The following ENPP7 variants were observed in gnomAD, a reference collection of about 807,000 sequenced individuals.
The protein encoded by ENPP7 is ectonucleotide pyrophosphatase/phosphodiesterase family member 7.
In ENPP7, 39 loss-of-function variants were observed where a neutral mutation model predicts 33.6. The observed-to-expected ratio is 1.16, with a 90% CI of 0.90 to 1.52. The LOEUF is 1.52. Ranked by LOEUF, ENPP7 falls within the 40% of genes most tolerant of loss-of-function variation. The pLI is 0.00. For synonymous variants in ENPP7, 244 were observed against 274.3 expected (o/e 0.89, Z 1.09); for missense variants, 594 against 641.0 (o/e 0.93, Z 0.79).
intron 1 of ENPP7, among the ~76,000 whole-genome samples, chr17:79,732,139 T>TATATATATACACAC (rs2094287435): frequency 1.5e-4 from 8 of 53,592 alleles, no homozygotes; most frequent in African/African-American, 8.2e-4. Flanking sequence ...TATGTATATA[T>TATATATATACACAC]ATATATATAT....
intron 3 of ENPP7, among the ~76,000 whole-genome samples, chr17:79,736,330 C>G (rs748091451): frequency 6.6e-6 from 1 of 152,216 alleles, no homozygotes. Context: ...TGAGCCACTG[C>G]GTCTGGCCTC....
At chr17:79,732,149 T>TACAC (rs67146650) in intron 1 of ENPP7, among the ~76,000 whole-genome samples, 50 of 34,150 alleles carry the variant, frequency 1.5e-3, no homozygotes, top group African/African-American at 4.9e-3. Flanking sequence ...TATATATATA[T>TACAC]ACACACACAT....
chr17:79,740,088 G>C (rs2094302697), intron 5 of ENPP7, among the ~76,000 whole-genome samples: 1 of 152,100 alleles, frequency 6.6e-6, no homozygotes, highest in African/African-American at 2.4e-5. Flanking sequence ...CCAGCTACTG[G>C]CAGGGAGACT....
chr17:79,736,950 C>A, intron 3 of ENPP7, 91 bp from the exon 4 acceptor site: 1 of 1,070,112 alleles, frequency 9.3e-7, no homozygotes, highest in Non-Finnish European at 1.4e-6. Flanking sequence ...GGTGCTCCTT[C>A]CTAAGGGGGT....
At chr17:79,736,534 GGC>G (rs1382033089) in intron 3 of ENPP7, among the ~76,000 whole-genome samples, 3 of 110,902 alleles carry the variant, frequency 2.7e-5, no homozygotes, top group African/African-American at 1.6e-4. Context: ...CTGTGTGATA[GGC>G]GTGTGTGTGT....
chr17:79,738,475 G>A lies in ENPP7; in HGVS notation c.*16+413G>A, dbSNP rs2094300103. ...GGGGCTGTGTTCCTGGAACTCTCCAGGAGCCTCCTAGGACACGCATGAGGT... is the reference window on the plus strand; with the variant it reads ...GGGGCTGTGTTCCTGGAACTCTCCAAGAGCCTCCTAGGACACGCATGAGGT... On this transcript the variant is annotated intron_variant, in intron 5 of 5. Transcript: ENST00000328313. The surrounding 1 kb of genome is among the most constrained non-coding windows in gnomAD (Gnocchi z 6.2). The A allele has an allele frequency of 5.2e-6, 1 of 192,028 alleles. No homozygotes were observed. Among genetic ancestry groups the A allele is most frequent in the Non-Finnish European group, 1.1e-5 (1 of 90,678 alleles). The allele number at this position is 192,028 out of a possible 1,614,324, so 11.9% of individuals were successfully genotyped here.
At chr17:79,734,947 G>C in intron 2 of ENPP7, 96 bp from the exon 3 acceptor site, 1 of 1,337,112 alleles carries the variant, frequency 7.5e-7, no homozygotes, top group Non-Finnish European at 1.0e-6. Context: ...GGGTGGAACA[G>C]AGAAGTAGGC....
intron 2 of ENPP7, among the ~76,000 whole-genome samples, chr17:79,733,893 G>A (rs1170112329): frequency 1.3e-5 from 2 of 152,174 alleles, no homozygotes; most frequent in African/African-American, 2.4e-5. Context: ...AGCCCTGCCC[G>A]GTCCTCTCTG....
In ENPP7 at chr17:79,731,208, G is replaced by A. The variant is rs377002637; in HGVS notation, c.69G>A (p.Pro23=). Reference sequence around the variant, plus strand: ...TCCTGGCTCCCGGGGCCGGAGCACCGGTACAAAGTCAGGGCTCCCAGAACA... The same window carrying A: ...TCCTGGCTCCCGGGGCCGGAGCACCAGTACAAAGTCAGGGCTCCCAGAACA... ...ATLLAPGAGA[P]VQSQGSQNKL... Residue 23 remains proline (P), a synonymous_variant, in exon 1 of 6, where the codon CCG becomes CCA. Coordinates refer to ENST00000328313, the MANE Select transcript of ENPP7 (RefSeq NM_178543.5). 3.7e-5 allele frequency: 59 copies of A among 1,612,294 alleles called. No homozygotes were observed. Among genetic ancestry groups the A allele is most frequent in the African/African-American group, 9.3e-5 (7 of 75,018 alleles).
rs1555823491 is a variant in ENPP7, at chr17:79,735,712, C to G, written c.1026+43C>G. The G allele has an allele frequency of 6.5e-7, 1 of 1,548,682 alleles. No individual in the cohort carries two copies. Among genetic ancestry groups the G allele is most frequent in the African/African-American group, 1.4e-5 (1 of 72,544 alleles). ...GGCACCACCTCCAGGGGCTCCCTCC[C>G]CAGGCTCTGGGTCTTCTTTTTTTTT... is the stretch of plus-strand genomic sequence containing the variant. On this transcript the variant is annotated intron_variant, in intron 3 of 5. Coordinates refer to ENST00000328313, the MANE Select transcript of ENPP7 (RefSeq NM_178543.5). The surrounding 1 kb of genome is among the most constrained non-coding windows in gnomAD (Gnocchi z 5.5).
At position 79,733,655 on chromosome 17, in the gene ENPP7, T is replaced by C. The variant is rs12453180; in HGVS notation, c.399+2T>C. The stretch of plus-strand genomic sequence containing the variant: ...ATCTGGATCACAGCCCAGAGGCAGG[T>C]AATGTCACCCCCGCCCATACTGACA... On this transcript the variant is annotated splice_donor_variant, in intron 2 of 5. Coordinates refer to ENST00000328313, the MANE Select transcript of ENPP7 (RefSeq NM_178543.5). LOFTEE classifies it high-confidence loss of function. 6,172 of 1,608,432 alleles carry C rather than the reference T, an allele frequency of 3.8e-3. 356 individuals carry two copies. The Admixed American group carries it at 0.098, about 26-fold the overall frequency.
intron 1 of ENPP7, among the ~76,000 whole-genome samples, chr17:79,732,362 G>A: frequency 6.6e-6 from 1 of 151,838 alleles, no homozygotes; most frequent in Non-Finnish European, 1.5e-5. Flanking sequence ...GCCCTCCCTA[G>A]GGGCTCAGCC....
Position 79,735,522 on chromosome 17 carries a change from G to A in ENPP7, c.879G>A (p.Leu293=). The stretch of plus-strand genomic sequence containing the variant: ...TGCTGCTCCCTAAAGAAGGGAGGCT[G>A]GAGAAGGTGTACGATGCCCTCAAGG... ...NGMLLPKEGR[L]EKVYDALKDA... The change falls in exon 3 of 6, where the codon CTG becomes CTA. Residue 293 remains leucine (L), a synonymous_variant. Coordinates refer to ENST00000328313, the MANE Select transcript of ENPP7 (RefSeq NM_178543.5). This position sits in a 1 kb window ranked among gnomAD's most constrained non-coding sequence, Gnocchi z 5.5. The A allele has an allele frequency of 1.2e-6, 2 of 1,614,004 alleles. No individual in the cohort carries two copies. Among genetic ancestry groups the A allele is most frequent in the South Asian group, 2.2e-5 (2 of 91,084 alleles).
In ENPP7 at chr17:79,733,514, A is replaced by G; in HGVS notation, c.260A>G (p.Tyr87Cys). The G allele has an allele frequency of 6.2e-7, 1 of 1,612,806 alleles. No individual in the cohort carries two copies. The highest frequency in any genetic ancestry group is 1.1e-5 in the South Asian group (1 of 90,902). The change falls in exon 2 of 6, where the codon TAT becomes TGT. Residue 87 changes from tyrosine to cysteine, a missense_variant. Tyr to Cys is a radical substitution (Grantham distance 194). Coordinates refer to ENST00000328313, the MANE Select transcript of ENPP7 (RefSeq NM_178543.5). Reference protein sequence around the residue: ...PCHFTLVTGKYIENHGVVHNM... With the variant: ...PCHFTLVTGKCIENHGVVHNM... ...GCACCTCTTCCTCCCTCAGGCAAAT[A>G]TATCGAGAACCACGGGGTGGTTCAC... is the stretch of plus-strand genomic sequence containing the variant.
rs1555822488 is a variant in ENPP7 at position 79,731,403 on chromosome 17, C to A, written c.253+11C>A. 1 of 1,601,848 alleles carries A rather than the reference C, an allele frequency of 6.2e-7. No homozygotes were observed. The highest frequency in any genetic ancestry group is 8.5e-7 in the Non-Finnish European group (1 of 1,172,198). On this transcript the variant is annotated intron_variant, in intron 1 of 5. Transcript: ENST00000328313. ...TCACCCTGGTCACCGGTGAGTACTGCCCTGTGACGGGGCCTGGGGGTGGGA... is the reference window on the plus strand; with the variant it reads ...TCACCCTGGTCACCGGTGAGTACTGACCTGTGACGGGGCCTGGGGGTGGGA...
intron 5 of ENPP7, 113 bp from the exon 6 acceptor site, chr17:79,741,681 C>A: frequency 3.9e-6 from 1 of 257,336 alleles, no homozygotes; most frequent in Non-Finnish European, 6.0e-6. Flanking sequence ...CTGTTTCCCA[C>A]GACCCCTCCC....
intron 2 of ENPP7, 26 bp downstream of exon 2, chr17:79,733,679 C>T (rs2094290316): frequency 1.3e-6 from 2 of 1,584,200 alleles, no homozygotes; most frequent in Non-Finnish European, 8.6e-7. Flanking sequence ...CCCATACTGA[C>T]ATCGCAGAGC....
chr17:79,733,563 C>G lies in ENPP7; in HGVS notation c.309C>G (p.Ser103Arg). Residue 103 changes from serine to arginine, a missense_variant, in exon 2 of 6, where the codon AGC becomes AGG. Ser to Arg is a moderately radical substitution (Grantham distance 110). Around this residue, in one of 3 missense-constraint regions of ENPP7, gnomAD observed 504 missense variants for 512.8 expected, o/e 0.98. Coordinates refer to ENST00000328313, the MANE Select transcript of ENPP7 (RefSeq NM_178543.5). ...ACAACATGTACTACAACACCACCAGCAAGGTGAAGCTGCCCTACCACGCCA... is the reference window on the plus strand; with the variant it reads ...ACAACATGTACTACAACACCACCAGGAAGGTGAAGCTGCCCTACCACGCCA... ...VVHNMYYNTT[S>R]KVKLPYHATL... is the part of the protein sequence containing the mutation. 1 of 1,613,578 alleles carries G rather than the reference C, an allele frequency of 6.2e-7. No homozygotes were observed. Among genetic ancestry groups the G allele is most frequent in the Non-Finnish European group, 8.5e-7 (1 of 1,179,984 alleles).
In ENPP7 at chr17:79,737,574, C is replaced by T. The variant is rs959345413; in HGVS notation, c.1246+314C>T. On this transcript the variant is annotated intron_variant, in intron 4 of 5. Transcript: ENST00000328313. This position sits in a 1 kb window ranked among gnomAD's most constrained non-coding sequence, Gnocchi z 5.5. ...CCTCCTGGCTGCTGGATCCCCACTC[C>T]CCACTCCCCACCACAGCAACCTGAG... Among the ~76,000 whole-genome samples the T allele has an allele frequency of 4.6e-5, 7 of 151,760 alleles. No individual in the cohort carries two copies. In the East Asian group the frequency reaches 1.4e-3, roughly 29 times the overall value.
Sources: gnomAD v4.1 joint callset for allele counts (sites outside exome capture counted in the v4.1 genomes callset) on GRCh38, gnomAD v4.1.1 for gene constraint, gnomAD v4.1.1 regional missense constraint, Gnocchi (gnomAD v3.1) non-coding constraint, MANE v1.5 for transcripts, NCBI Gene and HGNC (gene_info 2026-07-23, HGNC 2026-07-21) for gene names.